MACROD2: variants seen among roughly 807,000 people sequenced by gnomAD.
MACROD2 encodes the protein ADP-ribose glycohydrolase MACROD2.
A neutral mutation model predicts 70.4 loss-of-function variants in MACROD2; 36 were observed. That is an observed-to-expected ratio of 0.51 (90% CI 0.39 to 0.68). The LOEUF (loss-of-function observed/expected upper bound fraction) is 0.68. MACROD2 is among the 30% of genes least tolerant of loss of function. The pLI is 0.00. For synonymous variants in MACROD2, 172 were observed against 178.8 expected (o/e 0.96, Z 0.30); for missense variants, 496 against 538.4 (o/e 0.92, Z 0.78).
intron 4 of MACROD2, among the ~76,000 whole-genome samples, chr20:14,569,043 T>C (rs916160477): frequency 5.3e-5 from 8 of 152,042 alleles, no homozygotes; most frequent in Admixed American, 2.6e-4. Flanking sequence ...AAATCTGAAA[T>C]TCTGTTTTGC....
intron 5 of MACROD2, among the ~76,000 whole-genome samples, chr20:15,036,127 T>C (rs549113679): frequency 7.8e-4 from 119 of 152,178 alleles, no homozygotes; most frequent in African/African-American, 2.8e-3. Context: ...TTTATCAGTC[T>C]CTCTAGTTAG....
intron 2 of MACROD2, chr20:14,053,665 ATAC>A (rs1569136610): frequency 6.6e-6 from 1 of 152,146 alleles, no homozygotes; most frequent in East Asian, 1.9e-4. Flanking sequence ...TTGTCAATAA[ATAC>A]TAATTTTTCA....
intron 4 of MACROD2, among the ~76,000 whole-genome samples, chr20:14,613,633 G>T (rs1009224145): frequency 2.0e-5 from 3 of 152,028 alleles, no homozygotes; most frequent in Non-Finnish European, 4.4e-5. Flanking sequence ...TTTTCCTCTG[G>T]CTCACTGACT....
intron 8 of MACROD2, among the ~76,000 whole-genome samples, chr20:15,650,961 T>C (rs2146795535): frequency 6.6e-6 from 1 of 152,370 alleles, no homozygotes; most frequent in Admixed American, 6.5e-5. Flanking sequence ...TATCTGCTCT[T>C]GGCATAATCT....
chr20:14,926,139 C>A (rs2074228014), intron 5 of MACROD2, among the ~76,000 whole-genome samples: 1 of 152,122 alleles, frequency 6.6e-6, no homozygotes. Context: ...CTGTTGCCAT[C>A]TTCACACTTT....
At chr20:14,771,664 CACACACAT>C (rs999116821) in intron 5 of MACROD2, among the ~76,000 whole-genome samples, 8 of 132,230 alleles carry the variant, frequency 6.1e-5, no homozygotes, top group African/African-American at 1.1e-4. Context: ...CACACACACA[CACACACAT>C]ATATATATAT....
intron 8 of MACROD2, among the ~76,000 whole-genome samples, chr20:15,695,990 A>G (rs2050362962): frequency 1.3e-5 from 2 of 152,212 alleles, no homozygotes; most frequent in South Asian, 4.1e-4. Flanking sequence ...ATCAGCAAAC[A>G]GTGACAGTTT....
chr20:14,341,808 T>C (rs2083015911), intron 3 of MACROD2, among the ~76,000 whole-genome samples: 1 of 152,192 alleles, frequency 6.6e-6, no homozygotes, highest in African/African-American at 2.4e-5. Flanking sequence ...AAATGTATAG[T>C]ACAACTTCAG....
At chr20:14,344,012 G>T (rs904003677) in intron 3 of MACROD2, among the ~76,000 whole-genome samples, 1 of 152,034 alleles carries the variant, frequency 6.6e-6, no homozygotes, top group Non-Finnish European at 1.5e-5. Context: ...GAAATTGTCA[G>T]ATTTTTTTTT....
chr20:15,548,036 C>T (rs1212401091), intron 8 of MACROD2, among the ~76,000 whole-genome samples: 1 of 152,154 alleles, frequency 6.6e-6, no homozygotes, highest in Non-Finnish European at 1.5e-5. Context: ...ACCCTTCTCT[C>T]ATTGCCATCT....
chr20:14,380,122 C>T (rs1299061029), intron 3 of MACROD2, among the ~76,000 whole-genome samples: 1 of 152,040 alleles, frequency 6.6e-6, no homozygotes, highest in South Asian at 2.1e-4. Flanking sequence ...CACTTTTCTT[C>T]TGTTTTTGGT....
intron 5 of MACROD2, among the ~76,000 whole-genome samples, chr20:15,122,792 A>G (rs1183594272): frequency 6.6e-6 from 1 of 152,120 alleles, no homozygotes; most frequent in Non-Finnish European, 1.5e-5. Context: ...AGGGGGAAAA[A>G]CACAGTTTCC....
intron 2 of MACROD2, among the ~76,000 whole-genome samples, chr20:14,064,005 G>T (rs911041534): frequency 1.3e-5 from 2 of 152,118 alleles, no homozygotes; most frequent in African/African-American, 4.8e-5. Context: ...GGAATTATAC[G>T]CAAGAGCCAC....
intron 6 of MACROD2, among the ~76,000 whole-genome samples, chr20:15,399,125 C>T (rs1222813297): frequency 1.3e-5 from 2 of 152,130 alleles, no homozygotes; most frequent in Non-Finnish European, 2.9e-5. Flanking sequence ...GGGCTGGGCC[C>T]TTTGACTTCC....
intron 3 of MACROD2, among the ~76,000 whole-genome samples, chr20:14,356,507 T>C (rs1318472551): frequency 2.1e-5 from 3 of 140,454 alleles, no homozygotes; most frequent in Non-Finnish European, 3.1e-5. Flanking sequence ...TCTTTTTTTT[T>C]TTTTTTTTTT....
chr20:15,627,424 T>C (rs1600685625), intron 8 of MACROD2, among the ~76,000 whole-genome samples: 3 of 152,262 alleles, frequency 2.0e-5, no homozygotes, highest in African/African-American at 7.2e-5. Flanking sequence ...AGGCTGGCCA[T>C]GCCATACAGG....
chr20:15,685,353 G>A (rs1008112739), intron 8 of MACROD2, among the ~76,000 whole-genome samples: 5 of 152,180 alleles, frequency 3.3e-5, no homozygotes, highest in African/African-American at 4.8e-5. Context: ...TCTTTTATTT[G>A]TGTGCAACTA....
rs773727020 is a variant in MACROD2 at position 16,052,595 on chromosome 20, G to A, written c.*2719G>A. The A allele has an allele frequency of 6.6e-6, 1 of 152,594 alleles. No homozygotes were observed. Among genetic ancestry groups the A allele is most frequent in the Non-Finnish European group, 1.5e-5 (1 of 68,046 alleles). 9.5% of individuals were successfully genotyped at this position (152,594 alleles called of 1,614,324 possible). On this transcript the variant is annotated 3_prime_UTR_variant, in exon 18 of 18. Coordinates refer to ENST00000684519, the MANE Select transcript of MACROD2 (RefSeq NM_001351661.2). ...CTAGCTGGTAACTATTCAGATGATGGACAAGTCTTCTTTCATAAAAGATTA... is the reference window on the plus strand; with the variant it reads ...CTAGCTGGTAACTATTCAGATGATGAACAAGTCTTCTTTCATAAAAGATTA...
chr20:14,602,413 C>T (rs758482067), intron 4 of MACROD2, among the ~76,000 whole-genome samples: 84 of 152,212 alleles, frequency 5.5e-4, no homozygotes, highest in Non-Finnish European at 7.6e-4. Context: ...CACAATGACC[C>T]GGTGGGTCGG....
Sources: gnomAD v4.1 joint callset for allele counts (sites outside exome capture counted in the v4.1 genomes callset) on GRCh38, gnomAD v4.1.1 for gene constraint, MANE v1.5 for transcripts, NCBI Gene and HGNC (gene_info 2026-07-23, HGNC 2026-07-21) for gene names.